SYN3: variants seen among roughly 807,000 people sequenced by gnomAD.
SYN3 encodes synapsin III.
Under a neutral mutation model 65.8 loss-of-function variants are expected in SYN3, and 35 were observed. That is an observed-to-expected ratio of 0.53 (90% confidence interval 0.41 to 0.70). SYN3 has a LOEUF of 0.70. Among genes scored for constraint, SYN3 ranks in the 30% least tolerant of loss-of-function variants. SYN3 has a pLI of 0.00. For missense variants in SYN3, 680 were observed against 749.0 expected, an observed-to-expected ratio of 0.91 and a Z score of 1.08; for synonymous variants, 270 against 292.9, an observed-to-expected ratio of 0.92 and a Z score of 0.80.
intron 4 of SYN3, among the ~76,000 whole-genome samples, chr22:32,923,158 G>C: frequency 6.6e-6 from 1 of 152,148 alleles, no homozygotes; most frequent in East Asian, 1.9e-4. Context: ...TCTATGGCTG[G>C]AGTCTTGAGA....
rs2053684714 is a variant in SYN3, at chr22:33,028,667, G to GTGGTGGTGA, written c.-162-21844_-162-21843insTCACCACCA. On this transcript the variant is annotated intron_variant, in intron 1 of 13. Transcript: ENST00000358763. The stretch of plus-strand genomic sequence containing the variant: ...GATGGTGGTGGTGGTGGTGGTGGTG[G>GTGGTGGTGA]TGGTGGTGGTGGTGGTGGTGGTGAT... 3.8e-5 allele frequency among the ~76,000 whole-genome samples: 5 copies of GTGGTGGTGA among 130,504 alleles called. No homozygotes were observed. The East Asian group carries it at 8.4e-4, about 22-fold the overall frequency. 85.6% of individuals were successfully genotyped at this position (130,504 alleles called of 152,430 possible). A position where few individuals can be genotyped will look rare whatever the true frequency, so the allele number is the denominator to read the frequency against.
intron 6 of SYN3, among the ~76,000 whole-genome samples, chr22:32,692,155 C>CAAAAAAAAAAAAAAAAAAAAAAAA (rs1188224009): frequency 2.3e-4 from 8 of 34,482 alleles, no homozygotes; most frequent in Admixed American, 4.2e-4. Flanking sequence ...GACAAAAAGA[C>CAAAAAAAAAAAAAAAAAAAAAAAA]AAAAAAAAAA....
At chr22:32,869,182 T>C in intron 4 of SYN3, 57 bp from the exon 5 acceptor site, 1 of 1,577,868 alleles carries the variant, frequency 6.3e-7, no homozygotes, top group Admixed American at 1.7e-5. Flanking sequence ...CACCAGGGCA[T>C]CCGGCCACAG....
intron 6 of SYN3, among the ~76,000 whole-genome samples, chr22:32,754,984 C>A (rs969430841): frequency 1.3e-5 from 2 of 152,192 alleles, no homozygotes; most frequent in African/African-American, 4.8e-5. Context: ...TCTGCTCCCC[C>A]TGCAAGGACA....
chr22:32,870,815 T>C (rs929610149), intron 4 of SYN3, among the ~76,000 whole-genome samples: 4 of 152,216 alleles, frequency 2.6e-5, no homozygotes, highest in African/African-American at 9.6e-5. Context: ...TGCATTTTCT[T>C]TCCTGTAAAA....
intron 6 of SYN3, among the ~76,000 whole-genome samples, chr22:32,769,036 C>T (rs928015937): frequency 4.6e-5 from 7 of 152,250 alleles, no homozygotes; most frequent in South Asian, 2.1e-4. Flanking sequence ...CCCCTTTCGC[C>T]GATTCTAGGA....
At chr22:32,763,499 C>T (rs2045543171) in intron 6 of SYN3, among the ~76,000 whole-genome samples, 1 of 152,152 alleles carries the variant, frequency 6.6e-6, no homozygotes, top group Admixed American at 6.5e-5. Context: ...TACATTGGTA[C>T]ATATCATATG....
At chr22:32,572,587 C>CT (rs1272815875) in intron 7 of SYN3, among the ~76,000 whole-genome samples, 1 of 147,344 alleles carries the variant, frequency 6.8e-6, no homozygotes, top group African/African-American at 2.5e-5. Context: ...TTCTCTCTCT[C>CT]TTTTTTTCCT....
At chr22:32,547,997 C>A (rs2058358695) in intron 7 of SYN3, among the ~76,000 whole-genome samples, 1 of 152,166 alleles carries the variant, frequency 6.6e-6, no homozygotes, top group African/African-American at 2.4e-5. Context: ...AAGAGAGCCA[C>A]CCAGGTGTGC....
intron 6 of SYN3, among the ~76,000 whole-genome samples, chr22:32,767,607 A>G (rs2045660800): frequency 6.6e-6 from 1 of 152,222 alleles, no homozygotes; most frequent in South Asian, 2.1e-4. Flanking sequence ...CATGTCTTTC[A>G]TTAGTGTAAG....
At chr22:32,756,178 C>T (rs1280575808) in intron 6 of SYN3, among the ~76,000 whole-genome samples, 3 of 151,750 alleles carry the variant, frequency 2.0e-5, no homozygotes, top group Non-Finnish European at 2.9e-5. Flanking sequence ...GTGTAACAAA[C>T]CTGCACATTC....
At chr22:32,919,791 T>C (rs569864289) in intron 4 of SYN3, among the ~76,000 whole-genome samples, 13 of 152,230 alleles carry the variant, frequency 8.5e-5, no homozygotes, top group Non-Finnish European at 1.5e-4. Context: ...CAAGGGCTCA[T>C]TGTGGCTCAG....
intron 6 of SYN3, among the ~76,000 whole-genome samples, chr22:32,756,804 C>T (rs1300360357): frequency 6.6e-6 from 1 of 152,186 alleles, no homozygotes; most frequent in Non-Finnish European, 1.5e-5. Flanking sequence ...CAGTCCTGTA[C>T]AACCTGCAGA....
chr22:32,733,749 G>A (rs1294391291), intron 6 of SYN3, among the ~76,000 whole-genome samples: 5 of 152,196 alleles, frequency 3.3e-5, no homozygotes, highest in African/African-American at 1.2e-4. Context: ...TGCTCTTGAA[G>A]CCCTCAGTGT....
At chr22:33,009,817 AT>A (rs2053305579) in intron 1 of SYN3, among the ~76,000 whole-genome samples, 1 of 73,932 alleles carries the variant, frequency 1.4e-5, no homozygotes, top group Non-Finnish European at 3.0e-5. Context: ...TAATATAAAT[AT>A]AATATATATA....
intron 6 of SYN3, among the ~76,000 whole-genome samples, chr22:32,727,519 G>A (rs1188398766): frequency 2.6e-5 from 4 of 152,178 alleles, no homozygotes; most frequent in Non-Finnish European, 5.9e-5. Flanking sequence ...CCAGTAATGG[G>A]GTTGCTGGGT....
chr22:32,715,894 A>G (rs969470939), intron 6 of SYN3, among the ~76,000 whole-genome samples: 5 of 152,154 alleles, frequency 3.3e-5, no homozygotes, highest in African/African-American at 9.7e-5. Flanking sequence ...TTGGTGAACA[A>G]CAGCTGTGCT....
At chr22:32,792,186 A>T (rs1449281290) in intron 6 of SYN3, among the ~76,000 whole-genome samples, 1 of 152,208 alleles carries the variant, frequency 6.6e-6, no homozygotes, top group Admixed American at 6.5e-5. Context: ...GAGACAGCTG[A>T]GGCTCAGAGA....
Position 32,634,630 on chromosome 22 carries a change from T to C in SYN3, c.712-37894A>G, listed in dbSNP as rs60708642. ...AGGGGTTTCATGGCTTCCTTGTTTT[T>C]TGTTCACGCTGTTCCCCTTTTGTCC... On this transcript the variant is annotated intron_variant, in intron 6 of 13. Transcript: ENST00000358763. Among the ~76,000 whole-genome samples the C allele has an allele frequency of 4.8e-3, 732 of 152,350 alleles. 7 individuals carry two copies. Among genetic ancestry groups the C allele is most frequent in the African/African-American group, 0.016 (677 of 41,578 alleles).
Sources: gnomAD v4.1 joint callset for allele counts (sites outside exome capture counted in the v4.1 genomes callset) on GRCh38, gnomAD v4.1.1 for gene constraint, MANE v1.5 for transcripts, NCBI Gene and HGNC (gene_info 2026-07-23, HGNC 2026-07-21) for gene names.